Variants in PTPRD observed in about 807,000 individuals in gnomAD.
PTPRD encodes protein tyrosine phosphatase receptor type D.
In PTPRD, 34 loss-of-function variants were observed where a neutral mutation model predicts 214.5. That is an observed-to-expected ratio of 0.16 (90% CI 0.12 to 0.21). The LOEUF (loss-of-function observed/expected upper bound fraction) is 0.21. Ranked by LOEUF, PTPRD falls within the 10% of genes least tolerant of loss-of-function variation. PTPRD has a pLI of 1.00. For missense variants in PTPRD, 2,545 were observed against 2,398.7 expected, an observed-to-expected ratio of 1.06 and a Z score of -1.27; for synonymous variants, 1,128 against 845.7, an observed-to-expected ratio of 1.33 and a Z score of -5.79.
intron 4 of PTPRD, among the ~76,000 whole-genome samples, chr9:9,971,784 CTT>C (rs1399330366): frequency 6.6e-6 from 1 of 152,024 alleles, no homozygotes; most frequent in African/African-American, 2.4e-5. Context: ...AAAAATGTAA[CTT>C]TATCCCATAA....
chr9:9,435,654 G>C (rs552289051), intron 8 of PTPRD, among the ~76,000 whole-genome samples: 8 of 152,154 alleles, frequency 5.3e-5, no homozygotes, highest in African/African-American at 1.7e-4. Flanking sequence ...GTAAGTAAAA[G>C]TTGCATATAT....
chr9:8,706,637 C>T (rs995681801), intron 12 of PTPRD, among the ~76,000 whole-genome samples: 12 of 152,152 alleles, frequency 7.9e-5, no homozygotes, highest in African/African-American at 2.2e-4. Flanking sequence ...AGCAGAGATG[C>T]GTGAGCATAT....
At chr9:9,799,232 G>A (rs751795554) in intron 5 of PTPRD, among the ~76,000 whole-genome samples, 16 of 152,134 alleles carry the variant, frequency 1.1e-4, no homozygotes, top group Non-Finnish European at 1.6e-4. Flanking sequence ...AGATTAGGTT[G>A]AGATAATATG....
intron 2 of PTPRD, among the ~76,000 whole-genome samples, chr9:10,355,369 G>C (rs1045913172): frequency 1.4e-5 from 2 of 141,194 alleles, no homozygotes; most frequent in Non-Finnish European, 3.1e-5. Context: ...AATGTGAACT[G>C]TTATATTTTT....
chr9:9,397,400 A>G (rs1434595357), intron 9 of PTPRD, 49 bp downstream of exon 9: 1 of 152,472 alleles, frequency 6.6e-6, no homozygotes, highest in African/African-American at 2.4e-5. Context: ...TTAGAATATC[A>G]AAAAGAAAAG....
chr9:9,990,534 C>T (rs2095876002), intron 4 of PTPRD, among the ~76,000 whole-genome samples: 2 of 152,164 alleles, frequency 1.3e-5, no homozygotes, highest in South Asian at 2.1e-4. Context: ...CCAAGCAGAG[C>T]GGAAGTAAGC....
rs757168352 is a variant in PTPRD, at chr9:8,528,701, G to A, written c.431C>T (p.Thr144Ile). 1 of 1,613,668 alleles carries A rather than the reference G, an allele frequency of 6.2e-7. No individual in the cohort carries two copies. Among genetic ancestry groups the A allele is most frequent in the Non-Finnish European group, 8.5e-7 (1 of 1,179,728 alleles). ...LKVVERTRTA[T>I]MLCAASGNPD... ...ATTACCACTGGCTGCACAAAGCATG[G>A]TGGCCGTGCGAGTACGCTCAACCAC... The change falls in exon 15 of 46, where the codon ACC becomes ATC. Residue 144 changes from threonine (T) to isoleucine (I), a missense_variant. Physicochemically the swap from Thr to Ile is moderately conservative, Grantham distance 89. Transcript: ENST00000381196.
intron 12 of PTPRD, among the ~76,000 whole-genome samples, chr9:8,668,231 A>C (rs1353529559): frequency 1.3e-5 from 2 of 152,202 alleles, no homozygotes; most frequent in Non-Finnish European, 2.9e-5. Flanking sequence ...GAAGAAAGCC[A>C]CATGCTCATT....
At chr9:9,708,845 C>A (rs2154421369) in intron 7 of PTPRD, among the ~76,000 whole-genome samples, 1 of 152,020 alleles carries the variant, frequency 6.6e-6, no homozygotes, top group Middle Eastern at 3.4e-3. Context: ...TGTTTAGTTA[C>A]ACCTCATTGT....
intron 11 of PTPRD, among the ~76,000 whole-genome samples, chr9:9,006,314 T>G (rs555960816): frequency 6.6e-6 from 1 of 152,182 alleles, no homozygotes; most frequent in South Asian, 2.1e-4. Flanking sequence ...AAATTTGGAT[T>G]CTCCTCCTCT....
At chr9:9,060,616 A>G (rs539789907) in intron 10 of PTPRD, among the ~76,000 whole-genome samples, 2 of 152,238 alleles carry the variant, frequency 1.3e-5, no homozygotes, top group Non-Finnish European at 2.9e-5. Flanking sequence ...TAATAAACAG[A>G]TAGTATATAG....
chr9:9,069,011 T>C (rs534558940), intron 10 of PTPRD, among the ~76,000 whole-genome samples: 1 of 152,160 alleles, frequency 6.6e-6, no homozygotes, highest in Non-Finnish European at 1.5e-5. Flanking sequence ...TAAGATTTCA[T>C]ATATACAAAG....
rs942587616 is a variant in PTPRD, at chr9:9,381,631, G to T, written c.-203+15818C>A. On this transcript the variant is annotated intron_variant, in intron 9 of 45. Transcript: ENST00000381196. ...GCCTCCCAAAGTGCTGAGATTACAG[G>T]TGTGGGCCACCACGCTCAGACAGCT... Among the ~76,000 whole-genome samples the T allele has an allele frequency of 2.4e-4, 37 of 151,806 alleles. 2 individuals carry two copies. The highest frequency in any genetic ancestry group is 4.8e-5 in the African/African-American group (2 of 41,438).
At chr9:8,446,991 T>A (rs150854724) in intron 34 of PTPRD, among the ~76,000 whole-genome samples, 136 of 152,354 alleles carry the variant, frequency 8.9e-4, no homozygotes, top group Middle Eastern at 3.4e-3. Context: ...GAATTTCATA[T>A]TAACAGCGGA....
At chr9:10,607,959 T>A (rs1214597995) in intron 2 of PTPRD, among the ~76,000 whole-genome samples, 1 of 151,920 alleles carries the variant, frequency 6.6e-6, no homozygotes, top group Non-Finnish European at 1.5e-5. Context: ...ATATAGCATG[T>A]GAGATGGTAC....
At chr9:8,386,720 C>T (rs2087208259) in intron 37 of PTPRD, among the ~76,000 whole-genome samples, 2 of 152,298 alleles carry the variant, frequency 1.3e-5, no homozygotes, top group African/African-American at 4.8e-5. Flanking sequence ...CAACTCACCC[C>T]TAGTTATAAC....
intron 3 of PTPRD, among the ~76,000 whole-genome samples, chr9:10,093,656 A>C (rs443697): frequency 6.6e-6 from 1 of 151,260 alleles, no homozygotes; most frequent in African/African-American, 2.4e-5. Context: ...AGTTCATTAC[A>C]ACACCATTTA....
intron 12 of PTPRD, among the ~76,000 whole-genome samples, chr9:8,683,313 G>T (rs1211883072): frequency 6.6e-6 from 1 of 150,630 alleles, no homozygotes; most frequent in African/African-American, 2.4e-5. Context: ...GACCCTAAAA[G>T]TTAAGCTTCT....
intron 3 of PTPRD, among the ~76,000 whole-genome samples, chr9:10,273,801 T>C (rs571521273): frequency 3.9e-5 from 6 of 152,220 alleles, no homozygotes; most frequent in African/African-American, 1.4e-4. Flanking sequence ...TAGCATACCA[T>C]AAAGGTTAAA....
Sources: gnomAD v4.1 joint callset for allele counts (sites outside exome capture counted in the v4.1 genomes callset) on GRCh38, gnomAD v4.1.1 for gene constraint, MANE v1.5 for transcripts, NCBI Gene and HGNC (gene_info 2026-07-23, HGNC 2026-07-21) for gene names.